Variants in TUSC3 observed in about 807,000 individuals in gnomAD.
The protein encoded by TUSC3 is dolichyl-diphosphooligosaccharide--protein glycosyltransferase subunit TUSC3.
A neutral mutation model predicts 44.8 loss-of-function variants in TUSC3; 45 were observed. That is an observed-to-expected ratio of 1.00 (90% CI 0.79 to 1.29). The LOEUF is 1.29. Among genes scored for constraint, TUSC3 ranks in the 50% most tolerant of loss-of-function variants. The pLI, the probability that TUSC3 is intolerant of heterozygous loss-of-function variation, is 0.00. For synonymous variants in TUSC3, 212 were observed against 152.9 expected (o/e 1.39, Z -2.85); for missense variants, 519 against 437.9 (o/e 1.19, Z -1.65).
At chr8:15,425,064 T>A (rs141711823) in intron 1 of TUSC3, among the ~76,000 whole-genome samples, 68 of 152,254 alleles carry the variant, frequency 4.5e-4, no homozygotes, top group African/African-American at 1.5e-3. Context: ...ATCCTAGGAA[T>A]GAGATAAAAA....
At chr8:15,769,410 C>T (rs569497441), downstream of TUSC3, among the ~76,000 whole-genome samples, 10 of 152,048 alleles carry the variant, frequency 6.6e-5, no homozygotes, top group South Asian at 2.1e-4. Flanking sequence ...TCCCTTACAC[C>T]GTACACAAAA....
intron 4 of TUSC3, among the ~76,000 whole-genome samples, chr8:15,660,796 A>G (rs1182864198): frequency 6.6e-6 from 1 of 151,602 alleles, no homozygotes; most frequent in Non-Finnish European, 1.5e-5. Flanking sequence ...TAAGAGTAAT[A>G]TTGAAAGGGT....
rs751028194 is a variant in TUSC3 at position 15,554,198 on chromosome 8, G to A, written c.138+13630G>A. Among the ~76,000 whole-genome samples the A allele has an allele frequency of 7.3e-5, 11 of 151,686 alleles. 1 individual carries two copies. The highest frequency in any genetic ancestry group is 1.3e-4 in the Non-Finnish European group (9 of 67,852). ...CCTTGTATCATCACAATGGTGATAAGGTTTCAACATAAGAATTTTGTGGGG... is the reference window on the plus strand; with the variant it reads ...CCTTGTATCATCACAATGGTGATAAAGTTTCAACATAAGAATTTTGTGGGG... On this transcript the variant is annotated intron_variant, in intron 1 of 10. Transcript: ENST00000503731.
chr8:15,629,774 T>G (rs1189020739), intron 2 of TUSC3, among the ~76,000 whole-genome samples: 1 of 152,004 alleles, frequency 6.6e-6, no homozygotes, highest in Non-Finnish European at 1.5e-5. Flanking sequence ...TAGAGTTAAC[T>G]TGCATTTAGA....
chr8:15,828,351 T>C, the TUSC3 span, among the ~76,000 whole-genome samples: 1 of 152,212 alleles, frequency 6.6e-6, no homozygotes, highest in Non-Finnish European at 1.5e-5. Context: ...TAGTTTTATA[T>C]CAACATCTGT....
intron 1 of TUSC3, among the ~76,000 whole-genome samples, chr8:15,477,350 A>G (rs1181309182): frequency 6.6e-6 from 1 of 152,234 alleles, no homozygotes; most frequent in Non-Finnish European, 1.5e-5. Context: ...CACTTAGTGT[A>G]GAGATAGTTA....
intron 6 of TUSC3, among the ~76,000 whole-genome samples, chr8:15,721,358 A>T (rs1810298436): frequency 6.6e-6 from 1 of 151,988 alleles, no homozygotes; most frequent in African/African-American, 2.4e-5. Flanking sequence ...TTTAAGCCAT[A>T]AAAGTTTTTT....
chr8:15,709,406 G>A (rs754558375), intron 6 of TUSC3, among the ~76,000 whole-genome samples: 5 of 151,876 alleles, frequency 3.3e-5, no homozygotes, highest in African/African-American at 4.8e-5. Context: ...TTGACTACAC[G>A]TATTTCCTCG....
chr8:15,772,599 C>T, the TUSC3 span, among the ~76,000 whole-genome samples: 1 of 152,142 alleles, frequency 6.6e-6, no homozygotes, highest in Non-Finnish European at 1.5e-5. Context: ...AAAGAATGAA[C>T]ACAATCTTTC....
intron 2 of TUSC3, among the ~76,000 whole-genome samples, chr8:15,635,358 A>G (rs973722096): frequency 6.6e-6 from 1 of 152,118 alleles, no homozygotes. Context: ...TTTCATGTTA[A>G]TTTTTGAGGT....
chr8:15,422,190 TACTG>T (rs1799746198), intron 1 of TUSC3, among the ~76,000 whole-genome samples: 1 of 152,240 alleles, frequency 6.6e-6, no homozygotes, highest in South Asian at 2.1e-4. Flanking sequence ...GTTTTTTATG[TACTG>T]ACTAAATTAA....
At chr8:15,651,091 C>T in intron 3 of TUSC3, 1 of 356,196 alleles carries the variant, frequency 2.8e-6, no homozygotes, top group South Asian at 3.3e-5. Context: ...ATGTGATTAA[C>T]ATAATTATGG....
chr8:15,456,311 G>A (rs775102402), intron 1 of TUSC3, among the ~76,000 whole-genome samples: 4 of 152,046 alleles, frequency 2.6e-5, no homozygotes, highest in Non-Finnish European at 4.4e-5. Context: ...ATGGGCAGGC[G>A]GAACCTGTTG....
At chr8:15,732,999 C>G (rs1343248873) in intron 7 of TUSC3, among the ~76,000 whole-genome samples, 3 of 152,066 alleles carry the variant, frequency 2.0e-5, no homozygotes, top group Admixed American at 6.6e-5. Flanking sequence ...GTGAGGAGTA[C>G]TTGTTTGGCT....
At chr8:15,721,229 C>G (rs920795629) in intron 6 of TUSC3, among the ~76,000 whole-genome samples, 1 of 151,986 alleles carries the variant, frequency 6.6e-6, no homozygotes, top group Middle Eastern at 3.2e-3. Flanking sequence ...AATTTATTAG[C>G]AAATCTGGAT....
intron 6 of TUSC3, among the ~76,000 whole-genome samples, chr8:15,705,745 C>T (rs35476840): frequency 2.5e-4 from 38 of 151,998 alleles, no homozygotes; most frequent in Non-Finnish European, 4.0e-4. Context: ...ACTGCTTCAG[C>T]CCAATGATGA....
intron 1 of TUSC3, among the ~76,000 whole-genome samples, chr8:15,604,562 G>C (rs1452303729): frequency 3.3e-5 from 5 of 151,712 alleles, no homozygotes; most frequent in Non-Finnish European, 7.4e-5. Flanking sequence ...CACCAAGATA[G>C]ATTATCAGTT....
rs1433181591 is a variant in TUSC3 at position 15,658,478 on chromosome 8, C to A, written c.427-1029C>A. On this transcript the variant is annotated intron_variant, in intron 3 of 10. Transcript: ENST00000503731. ...TCGTTTGCTTGATATCAACTGTGAT[C>A]TAATGTATATTTATATATTGATTTT... Among the ~76,000 whole-genome samples the A allele has an allele frequency of 2.0e-5, 3 of 151,916 alleles. No homozygotes were observed. The South Asian group carries it at 6.2e-4, about 32-fold the overall frequency.
chr8:15,706,609 T>C (rs1809624907), intron 6 of TUSC3, among the ~76,000 whole-genome samples: 1 of 152,020 alleles, frequency 6.6e-6, no homozygotes, highest in East Asian at 1.9e-4. Flanking sequence ...AAGATAACAG[T>C]ATTATCAATT....
Sources: gnomAD v4.1 joint callset for allele counts (sites outside exome capture counted in the v4.1 genomes callset) on GRCh38, gnomAD v4.1.1 for gene constraint, MANE v1.5 for transcripts, NCBI Gene and HGNC (gene_info 2026-07-23, HGNC 2026-07-21) for gene names.